The following DOP1B variants were observed in gnomAD, a reference collection of about 807,000 sequenced individuals.
DOP1B encodes protein DOP1B.
A neutral mutation model predicts 233.5 loss-of-function variants in DOP1B; 174 were observed. That is an observed-to-expected ratio of 0.75 (90% CI 0.66 to 0.85). The LOEUF (loss-of-function observed/expected upper bound fraction) is 0.85. Ranked by LOEUF, DOP1B falls within the 40% of genes least tolerant of loss-of-function variation. DOP1B has a pLI of 0.00. For synonymous variants in DOP1B, 1,190 were observed against 1,185.6 expected (o/e 1.00, Z -0.08); for missense variants, 2,652 against 2,846.6 (o/e 0.93, Z 1.56).
At chr21:36,194,095 A>G (rs2066262211) in intron 2 of DOP1B, among the ~76,000 whole-genome samples, 1 of 152,218 alleles carries the variant, frequency 6.6e-6, no homozygotes, top group Non-Finnish European at 1.5e-5. Flanking sequence ...CCAAGCTTGC[A>G]TATTTAGACC....
Position 36,219,415 on chromosome 21 carries a change from C to A in DOP1B, c.1173C>A (p.Ala391=). 1 of 1,614,146 alleles carries A rather than the reference C, an allele frequency of 6.2e-7. No individual in the cohort carries two copies. Residue 391 remains alanine (A), a synonymous_variant, in exon 10 of 37, where the codon GCC becomes GCA. Coordinates refer to ENST00000691173, the MANE Select transcript of DOP1B (RefSeq NM_001320714.2). ...VGNLFLEVIR[A]FYSYCRDALG... ...ATTTGTTTCTCGAAGTCATCAGGGC[C>A]TTTTATTCTTACTGCAGAGATGCCC...
chr21:36,230,340 G>T (rs1351286036), intron 13 of DOP1B, 110 bp from the exon 14 acceptor site: 8 of 1,281,852 alleles, frequency 6.2e-6, no homozygotes, highest in Non-Finnish European at 7.4e-6. Flanking sequence ...CTCTAGTCTG[G>T]AGAGTGATGA....
In DOP1B at chr21:36,208,998, A is replaced by G. The variant is rs368393461; in HGVS notation, c.681+94A>G. ...GTTGTCACTGAAGCTGCAAAGGGACATCCAGGAAAGGGAGGTGCACCAAGC... is the reference window on the plus strand; with the variant it reads ...GTTGTCACTGAAGCTGCAAAGGGACGTCCAGGAAAGGGAGGTGCACCAAGC... On this transcript the variant is annotated intron_variant, in intron 5 of 36. Transcript: ENST00000691173. 4.4e-4 allele frequency: 581 copies of G among 1,328,618 alleles called. 1 individual carries two copies. The highest frequency in any genetic ancestry group is 2.7e-3 in the African/African-American group (180 of 65,766). 82.3% of individuals were successfully genotyped at this position (1,328,618 alleles called of 1,614,324 possible). A position where few individuals can be genotyped will look rare whatever the true frequency, so the allele number is the denominator to read the frequency against.
chr21:36,186,990 G>A (rs867816781), intron 2 of DOP1B, among the ~76,000 whole-genome samples: 7 of 152,068 alleles, frequency 4.6e-5, no homozygotes, highest in Admixed American at 2.0e-4. Context: ...CCGGCGGCCA[G>A]CAAAACATTC....
intron 13 of DOP1B, 26 bp from the exon 14 acceptor site, chr21:36,230,424 A>T (rs1441948922): frequency 6.3e-7 from 1 of 1,583,268 alleles, no homozygotes; most frequent in South Asian, 1.1e-5. Flanking sequence ...AGAGATGCAC[A>T]ATTCACATCT....
intron 2 of DOP1B, among the ~76,000 whole-genome samples, chr21:36,187,952 C>T (rs558928675): frequency 6.6e-6 from 1 of 152,016 alleles, no homozygotes; most frequent in African/African-American, 2.4e-5. Flanking sequence ...GGTGATACAC[C>T]CAGCCTTCAG....
chr21:36,259,412 A>G (rs1464180041), intron 23 of DOP1B, among the ~76,000 whole-genome samples: 3 of 151,992 alleles, frequency 2.0e-5, no homozygotes, highest in Non-Finnish European at 4.4e-5. Flanking sequence ...CTGGGATTAC[A>G]GGCTTGCGCC....
intron 2 of DOP1B, chr21:36,169,290 GTT>G: frequency 1.2e-6 from 1 of 803,240 alleles, no homozygotes. Context: ...TTCTTGATCG[GTT>G]TGCTGTCCTC....
rs1642016189 is a variant in DOP1B, at chr21:36,274,996, C to T, written c.5633-2025C>T. Among the ~76,000 whole-genome samples the T allele has an allele frequency of 3.3e-5, 5 of 152,186 alleles. No homozygotes were observed. The South Asian group carries it at 1.0e-3, about 32-fold the overall frequency. The stretch of plus-strand genomic sequence containing the variant: ...AGTAGCTGGGATTACAGGTGCACGC[C>T]ACCACACCTGGGTAATTTTTGTATT... On this transcript the variant is annotated intron_variant, in intron 27 of 36. Coordinates refer to ENST00000691173, the MANE Select transcript of DOP1B (RefSeq NM_001320714.2).
intron 7 of DOP1B, among the ~76,000 whole-genome samples, chr21:36,213,217 C>T (rs946430225): frequency 6.6e-6 from 1 of 152,152 alleles, no homozygotes; most frequent in Non-Finnish European, 1.5e-5. Flanking sequence ...TTTGTAGGCT[C>T]TTTAAGGATT....
intron 12 of DOP1B, among the ~76,000 whole-genome samples, chr21:36,227,144 C>T (rs949478772): frequency 6.7e-6 from 1 of 148,984 alleles, no homozygotes. Flanking sequence ...GGAGGCAGAG[C>T]TTGCAGTGAG....
Position 36,164,809 on chromosome 21 carries a change from A to T in DOP1B, c.76A>T (p.Arg26Ter). ...CTCTTCAGTGATTGAAAAGGCTTTG[A>T]GAAATTTTGAGTCCTCGAGTGAATG... The part of the protein sequence containing the change: ...SYSSVIEKAL[R>*]NFESSSEWAD... Residue 26 changes from arginine (R) to a stop codon, truncating the protein, a stop_gained, in exon 2 of 37, where the codon AGA becomes TGA. Transcript: ENST00000691173. LOFTEE classifies it high-confidence loss of function. 1 of 1,612,840 alleles carries T rather than the reference A, an allele frequency of 6.2e-7. No homozygotes were observed. The highest frequency in any genetic ancestry group is 8.5e-7 in the Non-Finnish European group (1 of 1,179,496).
intron 23 of DOP1B, among the ~76,000 whole-genome samples, chr21:36,259,231 C>T (rs1025044431): frequency 3.3e-5 from 5 of 151,162 alleles, no homozygotes; most frequent in Non-Finnish European, 7.4e-5. Flanking sequence ...TCCCAAAGTG[C>T]TGGGATTACA....
intron 4 of DOP1B, among the ~76,000 whole-genome samples, chr21:36,204,656 C>CTTTTTTTTTT (rs1255662240): frequency 1.9e-5 from 1 of 53,816 alleles, no homozygotes; most frequent in East Asian, 3.7e-4. Context: ...GCTGACATTT[C>CTTTTTTTTTT]TATTTTTTTT....
At chr21:36,286,561 A>C (rs937998165) in intron 32 of DOP1B, among the ~76,000 whole-genome samples, 4 of 151,544 alleles carry the variant, frequency 2.6e-5, no homozygotes, top group Non-Finnish European at 1.5e-5. Flanking sequence ...ATTTGAACCC[A>C]GGAGGCAGAG....
intron 26 of DOP1B, 89 bp downstream of exon 26, chr21:36,263,903 G>T: frequency 8.0e-7 from 1 of 1,249,604 alleles, no homozygotes; most frequent in Non-Finnish European, 1.2e-6. Context: ...GTAGACAAGA[G>T]ACATTGGACA....
chr21:36,182,136 A>G (rs1265183185), intron 2 of DOP1B, among the ~76,000 whole-genome samples: 1 of 152,158 alleles, frequency 6.6e-6, no homozygotes, highest in East Asian at 1.9e-4. Flanking sequence ...TTGGAGGATA[A>G]TCTAATTCCG....
At position 36,270,088 on chromosome 21, in the gene DOP1B, A is replaced by G. The variant is rs376470329; in HGVS notation, c.5563A>G (p.Arg1855Gly). Reference sequence around the variant, plus strand: ...CTTGGAGCAAACCAGCTGGCTAAGCAGAAACCTGGAAGTGAAGGCCCAACC... The same window carrying G: ...CTTGGAGCAAACCAGCTGGCTAAGCGGAAACCTGGAAGTGAAGGCCCAACC... ...SSLEQTSWLS[R>G]NLEVKAQPQA... The change falls in exon 27 of 37, where the codon AGA (arginine) becomes GGA (glycine). Residue 1855 changes from arginine (R) to glycine (G), a missense_variant. By Grantham distance (125) the Arg-to-Gly change is moderately radical (BLOSUM62 -2). Around this residue, in one of 3 missense-constraint regions of DOP1B, gnomAD observed 2,617 missense variants for 2,794.3 expected, o/e 0.94. Transcript: ENST00000691173. 8 of 1,614,084 alleles carry G rather than the reference A, an allele frequency of 5.0e-6. No homozygotes were observed. In the African/African-American group the frequency reaches 1.1e-4, roughly 22 times the overall value.
rs780733966 is a variant in DOP1B at position 36,238,581 on chromosome 21, C to T, written c.2776-20C>T. 1.2e-6 allele frequency: 2 copies of T among 1,612,500 alleles called. No individual in the cohort carries two copies. The highest frequency in any genetic ancestry group is 1.7e-6 in the Non-Finnish European group (2 of 1,178,540). Reference sequence around the variant, plus strand: ...AGTTACAAAACCAAGTTCCTCACTCCCATGTATCTCCTCATCAAGGGAACA... The same window carrying T: ...AGTTACAAAACCAAGTTCCTCACTCTCATGTATCTCCTCATCAAGGGAACA... On this transcript the variant is annotated intron_variant, in intron 16 of 36. Coordinates refer to ENST00000691173, the MANE Select transcript of DOP1B (RefSeq NM_001320714.2).
Sources: allele counts gnomAD v4.1 joint callset (sites outside exome capture counted in the v4.1 genomes callset), GRCh38; gene constraint gnomAD v4.1.1; regional missense constraint gnomAD v4.1.1; transcripts MANE v1.5; gene names NCBI Gene and HGNC (gene_info 2026-07-23, HGNC 2026-07-21).